Variants in RASEF observed in about 807,000 individuals in gnomAD.
RASEF encodes RAS and EF-hand domain containing.
In RASEF, 68 loss-of-function variants were observed where a neutral mutation model predicts 90.1. That is an observed-to-expected ratio of 0.75 (90% CI 0.62 to 0.92). RASEF has a LOEUF of 0.92. Among genes scored for constraint, RASEF ranks in the 40% least tolerant of loss-of-function variants. The probability of loss-of-function intolerance (pLI) is 0.00; values close to 1 mark genes in which losing one functional copy is unlikely to be tolerated. For synonymous variants in RASEF, 331 were observed against 345.2 expected, an observed-to-expected ratio of 0.96 and a Z score of 0.46; for missense variants, 949 against 937.2, an observed-to-expected ratio of 1.01 and a Z score of -0.16.
At chr9:83,167,846 T>A in the RASEF span, among the ~76,000 whole-genome samples, 4 of 152,178 alleles carry the variant, frequency 2.6e-5, no homozygotes, top group African/African-American at 9.6e-5. Flanking sequence ...TACTTACCGC[T>A]TTTACTGCTG....
intron 1 of RASEF, among the ~76,000 whole-genome samples, chr9:83,056,250 A>C (rs1830102025): frequency 6.6e-6 from 1 of 152,242 alleles, no homozygotes; most frequent in Non-Finnish European, 1.5e-5. Flanking sequence ...ATAATTCTAA[A>C]GAAATCCTAT....
chr9:83,207,751 G>A, the RASEF span, among the ~76,000 whole-genome samples: 2 of 152,072 alleles, frequency 1.3e-5, no homozygotes, highest in African/African-American at 4.8e-5. Flanking sequence ...AGGATTACAG[G>A]CATGTGCCCC....
At chr9:83,022,222 C>T in intron 3 of RASEF, 114 bp downstream of exon 3, 3 of 777,114 alleles carry the variant, frequency 3.9e-6, no homozygotes, top group East Asian at 4.9e-5. Flanking sequence ...GGAGACTCTG[C>T]AGAAACCTGG....
At chr9:83,012,595 T>C (rs1829268509) in intron 4 of RASEF, 84 bp from the exon 5 acceptor site, 2 of 653,074 alleles carry the variant, frequency 3.1e-6, no homozygotes, top group Non-Finnish European at 2.5e-6. Flanking sequence ...TGAATATACA[T>C]ATGAGAATTC....
chr9:82,986,557 G>A (rs1272664931), intron 16 of RASEF, among the ~76,000 whole-genome samples: 1 of 152,188 alleles, frequency 6.6e-6, no homozygotes, highest in Non-Finnish European at 1.5e-5. Context: ...CAAAAATGCA[G>A]GCATGCTCCA....
At chr9:83,146,421 C>T in the RASEF span, among the ~76,000 whole-genome samples, 1 of 152,100 alleles carries the variant, frequency 6.6e-6, no homozygotes, top group Non-Finnish European at 1.5e-5. Flanking sequence ...ACATATGTCC[C>T]TTTGAGTGTT....
the RASEF span, among the ~76,000 whole-genome samples, chr9:83,097,870 T>A: frequency 6.6e-6 from 1 of 152,198 alleles, no homozygotes; most frequent in Non-Finnish European, 1.5e-5. Context: ...ATATTTATAG[T>A]TCCCAGTTGA....
intron 15 of RASEF, 109 bp from the exon 16 acceptor site, chr9:82,990,576 G>T: frequency 1.4e-6 from 1 of 693,312 alleles, no homozygotes; most frequent in Non-Finnish European, 2.4e-6. Context: ...AGCATGCTAA[G>T]AGTAACTAAT....
the RASEF span, among the ~76,000 whole-genome samples, chr9:83,120,571 A>G: frequency 6.6e-6 from 1 of 152,184 alleles, no homozygotes; most frequent in Non-Finnish European, 1.5e-5. Context: ...GGCTACTAAG[A>G]ATTGGAGGTT....
chr9:82,991,983 T>C (rs1043328559), intron 15 of RASEF, among the ~76,000 whole-genome samples: 4 of 152,246 alleles, frequency 2.6e-5, no homozygotes, highest in Non-Finnish European at 5.9e-5. Flanking sequence ...GTTTGTTACA[T>C]GGTGGATACC....
chr9:83,013,863 T>C (rs775683235), intron 4 of RASEF, among the ~76,000 whole-genome samples: 2 of 152,148 alleles, frequency 1.3e-5, no homozygotes, highest in Non-Finnish European at 2.9e-5. Flanking sequence ...GGAAAGACAG[T>C]TTTTTAATAA....
chr9:82,995,963 T>C (rs1564070732), intron 14 of RASEF, among the ~76,000 whole-genome samples: 1 of 152,238 alleles, frequency 6.6e-6, no homozygotes, highest in Non-Finnish European at 1.5e-5. Context: ...GAGAGATGAC[T>C]ATAACATGGG....
chr9:83,000,122 G>T, intron 12 of RASEF, 47 bp downstream of exon 12: 1 of 1,570,790 alleles, frequency 6.4e-7, no homozygotes. Flanking sequence ...AGAAAATCAA[G>T]CTAAGGAAGG....
chr9:83,103,591 G>A, the RASEF span, among the ~76,000 whole-genome samples: 2 of 152,080 alleles, frequency 1.3e-5, no homozygotes, highest in Non-Finnish European at 2.9e-5. Flanking sequence ...GAGTATTCAT[G>A]AATGTTTGCA....
the RASEF span, among the ~76,000 whole-genome samples, chr9:83,093,172 A>G: frequency 6.6e-6 from 1 of 152,154 alleles, no homozygotes; most frequent in Non-Finnish European, 1.5e-5. Context: ...TGTATTTACA[A>G]TCCTTGAGCT....
chr9:83,100,963 C>T, the RASEF span, among the ~76,000 whole-genome samples: 1 of 152,088 alleles, frequency 6.6e-6, no homozygotes, highest in Non-Finnish European at 1.5e-5. Context: ...AGGTATATTA[C>T]CTACTAAATA....
the RASEF span, among the ~76,000 whole-genome samples, chr9:83,129,001 C>T: frequency 6.6e-6 from 1 of 152,168 alleles, no homozygotes; most frequent in African/African-American, 2.4e-5. Flanking sequence ...GTGTTCAAAT[C>T]AATTAATTTT....
chr9:83,112,432 C>A, the RASEF span, among the ~76,000 whole-genome samples: 1 of 152,206 alleles, frequency 6.6e-6, no homozygotes, highest in African/African-American at 2.4e-5. Flanking sequence ...CGCCTGTAAT[C>A]CCAGCACTTT....
chr9:83,202,380 C>A, the RASEF span, among the ~76,000 whole-genome samples: 1 of 152,156 alleles, frequency 6.6e-6, no homozygotes, highest in Non-Finnish European at 1.5e-5. Flanking sequence ...AAACAATTGT[C>A]AAGCTAATAT....
Sources: allele counts gnomAD v4.1 joint callset (sites outside exome capture counted in the v4.1 genomes callset), GRCh38; gene constraint gnomAD v4.1.1; transcripts MANE v1.5; gene names NCBI Gene and HGNC (gene_info 2026-07-23, HGNC 2026-07-21).